Variants in TMEM260 observed in about 807,000 individuals in gnomAD.
The protein encoded by TMEM260 is protein O-mannosyl-transferase TMEM260.
A neutral mutation model predicts 88.9 loss-of-function variants in TMEM260; 82 were observed. The observed-to-expected ratio is 0.92, with a 90% CI of 0.77 to 1.11. The LOEUF is 1.11. Ranked by LOEUF, TMEM260 falls within the 50% of genes least tolerant of loss-of-function variation. TMEM260 has a pLI of 0.00. For synonymous variants in TMEM260, 314 were observed against 309.3 expected (o/e 1.02, Z -0.16); for missense variants, 902 against 853.4 (o/e 1.06, Z -0.71).
At chr14:56,599,735 C>T (rs1292379163) in intron 3 of TMEM260, among the ~76,000 whole-genome samples, 1 of 152,152 alleles carries the variant, frequency 6.6e-6, no homozygotes, top group East Asian at 1.9e-4. Flanking sequence ...CAAACAACCT[C>T]CTGATTTGGA....
chr14:56,661,244 G>A, the TMEM260 span, among the ~76,000 whole-genome samples: 1 of 152,024 alleles, frequency 6.6e-6, no homozygotes, highest in Non-Finnish European at 1.5e-5. Flanking sequence ...CCTAGACTCT[G>A]CCTCTCCTCT....
intron 4 of TMEM260, 103 bp from the exon 5 acceptor site, chr14:56,605,467 C>A: frequency 2.0e-6 from 1 of 492,338 alleles, no homozygotes. Context: ...TTTAACCTAA[C>A]ATGATACGAA....
At chr14:56,618,046 C>T (rs1360589454) in intron 9 of TMEM260, among the ~76,000 whole-genome samples, 3 of 152,114 alleles carry the variant, frequency 2.0e-5, no homozygotes, top group East Asian at 3.9e-4. Context: ...CAGGCCTCTT[C>T]CCTGTCTCCC....
chr14:56,610,967 C>CTTTTT (rs61185871), intron 6 of TMEM260, among the ~76,000 whole-genome samples: 15 of 118,000 alleles, frequency 1.3e-4, no homozygotes, highest in East Asian at 3.3e-4. Flanking sequence ...TTCTTTCTTT[C>CTTTTT]TTTTTTTTTT....
intron 3 of TMEM260, among the ~76,000 whole-genome samples, chr14:56,594,427 C>T (rs1886082732): frequency 6.6e-6 from 1 of 152,168 alleles, no homozygotes; most frequent in South Asian, 2.1e-4. Context: ...TCTACTTTAG[C>T]ATGTTATTAA....
At chr14:56,621,786 G>C (rs1038970515) in intron 11 of TMEM260, 84 bp downstream of exon 11, 3 of 1,191,026 alleles carry the variant, frequency 2.5e-6, no homozygotes, top group African/African-American at 3.1e-5. Flanking sequence ...TAAAATGGTG[G>C]ACGGGTACAG....
In TMEM260 at chr14:56,636,529, C is replaced by T; in HGVS notation, c.1800C>T (p.Ile600=). 6.2e-7 allele frequency: 1 copy of T among 1,613,988 alleles called. No homozygotes were observed. The highest frequency in any genetic ancestry group is 8.5e-7 in the Non-Finnish European group (1 of 1,179,972). ...WQARMKTPFF[I]FNLAETAHMP... ...CCAGGATGAAAACACCGTTCTTCAT[C>T]TTTAACCTGGCAGAAACTGCTCACA... Residue 600 remains isoleucine (I), a synonymous_variant, in exon 15 of 16, where the codon ATC becomes ATT. Transcript: ENST00000261556.
chr14:56,633,897 A>T (rs1031028239), intron 13 of TMEM260, among the ~76,000 whole-genome samples: 2 of 152,244 alleles, frequency 1.3e-5, no homozygotes, highest in African/African-American at 2.4e-5. Context: ...CTTATAATTT[A>T]AGAGCAACAG....
chr14:56,596,794 A>AAAAAAAT (rs59623466), intron 3 of TMEM260, among the ~76,000 whole-genome samples: 2 of 136,298 alleles, frequency 1.5e-5, no homozygotes, highest in African/African-American at 2.8e-5. Flanking sequence ...TAAAAAAAAA[A>AAAAAAAT]ATATATATAT....
At chr14:56,650,115 C>A (rs1423115218), downstream of TMEM260, 2 of 455,658 alleles carry the variant, frequency 4.4e-6, no homozygotes, top group Middle Eastern at 3.3e-4. Context: ...TTCCTGTAGT[C>A]TGACCCCCGA....
intron 12 of TMEM260, among the ~76,000 whole-genome samples, chr14:56,630,051 AAAG>A (rs1232487394): frequency 1.5e-4 from 23 of 152,032 alleles, no homozygotes; most frequent in South Asian, 6.2e-4. Context: ...AGAAAAAAAA[AAAG>A]AAGAAAAAAA....
intron 12 of TMEM260, among the ~76,000 whole-genome samples, chr14:56,631,091 A>AT (rs1233145348): frequency 6.6e-6 from 1 of 152,154 alleles, no homozygotes; most frequent in Admixed American, 6.5e-5. Context: ...ACCAAGGCAC[A>AT]TTTTAAAGCA....
At chr14:56,602,666 T>G (rs1886646640) in intron 3 of TMEM260, among the ~76,000 whole-genome samples, 1 of 152,072 alleles carries the variant, frequency 6.6e-6, no homozygotes, top group South Asian at 2.1e-4. Context: ...GAAGAAATAA[T>G]AATGTGTTGA....
Position 56,605,647 on chromosome 14 carries a change from A to G in TMEM260, c.600A>G (p.Ile200Met). 1 of 1,592,592 alleles carries G rather than the reference A, an allele frequency of 6.3e-7. No homozygotes were observed. The highest frequency in any genetic ancestry group is 8.5e-7 in the Non-Finnish European group (1 of 1,171,824). The change falls in exon 5 of 16, where the codon ATA becomes ATG. Residue 200 changes from isoleucine (I) to methionine (M), a missense_variant. Transcript: ENST00000261556. ...QHTIILYVLC[I>M]IPWILFQLLK... ...CAATAATACTCTATGTTTTGTGCAT[A>G]ATACCTTGGATTCTCTTTCAACTTT... is the stretch of plus-strand genomic sequence containing the variant.
At chr14:56,606,737 CA>C (rs1005118060) in intron 5 of TMEM260, among the ~76,000 whole-genome samples, 1 of 151,614 alleles carries the variant, frequency 6.6e-6, no homozygotes, top group African/African-American at 2.4e-5. Context: ...ACTAAAAATA[CA>C]AAAAAAAGTA....
At chr14:56,625,041 G>A (rs1888159000) in intron 11 of TMEM260, among the ~76,000 whole-genome samples, 1 of 152,170 alleles carries the variant, frequency 6.6e-6, no homozygotes, top group Non-Finnish European at 1.5e-5. Flanking sequence ...TGATCTGACA[G>A]GAGGCAGAGC....
At chr14:56,620,949 C>G (rs1413100642) in intron 10 of TMEM260, among the ~76,000 whole-genome samples, 1 of 152,056 alleles carries the variant, frequency 6.6e-6, no homozygotes, top group East Asian at 1.9e-4. Flanking sequence ...GAGAAGTAAA[C>G]AACTCAGGAA....
At chr14:56,622,274 CAG>C (rs1200922086) in intron 11 of TMEM260, among the ~76,000 whole-genome samples, 6 of 133,988 alleles carry the variant, frequency 4.5e-5, no homozygotes, top group African/African-American at 1.4e-4. Context: ...ACCTGGGAGA[CAG>C]AGTTTGCAGT....
intron 15 of TMEM260, among the ~76,000 whole-genome samples, chr14:56,637,409 G>A (rs72711232): frequency 0.024 from 3,620 of 152,202 alleles, 103 homozygotes; most frequent in East Asian, 0.099. Flanking sequence ...ACTAACCTTC[G>A]GAAGACACAG....
Sources: gnomAD v4.1 joint callset for allele counts (sites outside exome capture counted in the v4.1 genomes callset) on GRCh38, gnomAD v4.1.1 for gene constraint, MANE v1.5 for transcripts, NCBI Gene and HGNC (gene_info 2026-07-23, HGNC 2026-07-21) for gene names.